The following CTNND2 variants were observed in gnomAD, a reference collection of about 807,000 sequenced individuals.
The protein encoded by CTNND2 is catenin delta 2, also known as catenin delta-2.
A neutral mutation model predicts 144.4 loss-of-function variants in CTNND2; 22 were observed. The ratio of observed to expected loss-of-function variants is 0.15; its 90% CI spans 0.11 to 0.22. The LOEUF is 0.22. Among genes scored for constraint, CTNND2 ranks in the 10% least tolerant of loss-of-function variants. The pLI is 1.00. For missense variants in CTNND2, 1,353 were observed against 1,618.8 expected, an observed-to-expected ratio of 0.84 and a Z score of 2.82; for synonymous variants, 751 against 695.6, an observed-to-expected ratio of 1.08 and a Z score of -1.25.
At chr5:11,573,246 C>T (rs184998649) in intron 2 of CTNND2, among the ~76,000 whole-genome samples, 102 of 152,282 alleles carry the variant, frequency 6.7e-4, no homozygotes, top group Middle Eastern at 3.4e-3. Context: ...CCATTATGTG[C>T]TGTTATCATA....
chr5:11,273,530 A>G (rs1435959963), intron 9 of CTNND2, among the ~76,000 whole-genome samples: 3 of 152,222 alleles, frequency 2.0e-5, no homozygotes, highest in Non-Finnish European at 2.9e-5. Flanking sequence ...AAGTGCCATA[A>G]GCTTGAAGGA....
intron 2 of CTNND2, among the ~76,000 whole-genome samples, chr5:11,673,553 A>T (rs1167870537): frequency 6.6e-6 from 1 of 152,174 alleles, no homozygotes; most frequent in East Asian, 1.9e-4. Context: ...GTTGCTTTAC[A>T]TATGGAAATT....
intron 1 of CTNND2, among the ~76,000 whole-genome samples, chr5:11,847,150 A>G (rs939738723): frequency 2.3e-5 from 3 of 131,504 alleles, no homozygotes; most frequent in Non-Finnish European, 4.8e-5. Context: ...ATATATATAT[A>G]TATATATATA....
At chr5:11,379,554 CTTAA>C (rs1332717898) in intron 7 of CTNND2, among the ~76,000 whole-genome samples, 1 of 151,866 alleles carries the variant, frequency 6.6e-6, no homozygotes, top group African/African-American at 2.4e-5. Flanking sequence ...ACATTTAACT[CTTAA>C]TTTATTAAAA....
chr5:11,168,465 T>G (rs1347665470), intron 11 of CTNND2, among the ~76,000 whole-genome samples: 1 of 152,186 alleles, frequency 6.6e-6, no homozygotes, highest in Non-Finnish European at 1.5e-5. Context: ...ACCATAGAAT[T>G]TCATATTTCT....
intron 9 of CTNND2, among the ~76,000 whole-genome samples, chr5:11,270,042 T>C (rs1580757944): frequency 6.6e-6 from 1 of 152,192 alleles, no homozygotes; most frequent in South Asian, 2.1e-4. Context: ...TAACTTCAAA[T>C]GGGAAACAAA....
chr5:11,164,207 TC>T (rs953308866), intron 11 of CTNND2, among the ~76,000 whole-genome samples: 8 of 152,068 alleles, frequency 5.3e-5, no homozygotes, highest in African/African-American at 1.9e-4. Flanking sequence ...CAGGATAATC[TC>T]CCCATTTGAA....
chr5:11,641,696 ATATACATATACGTGTGTG>A lies in CTNND2; in HGVS notation c.175-76658_175-76641del, dbSNP rs1561648707. 4.0e-4 allele frequency among the ~76,000 whole-genome samples: 51 copies of A among 126,486 alleles called. 2 individuals are homozygous for A. The highest frequency in any genetic ancestry group is 2.5e-3 in the Admixed American group (33 of 13,424). The allele number at this position is 126,486 out of a possible 152,430, so 83.0% of individuals were successfully genotyped here. ...TGTGTATATACATATACGTGTGTGT[ATATACATATACGTGTGTG>A]TATACATATACGTGTGTGTATATAC... On this transcript the variant is annotated intron_variant, in intron 2 of 21. Transcript: ENST00000304623.
intron 1 of CTNND2, among the ~76,000 whole-genome samples, chr5:11,824,669 T>C (rs1373657626): frequency 6.6e-6 from 1 of 152,188 alleles, no homozygotes; most frequent in Non-Finnish European, 1.5e-5. Context: ...TCCTAAACCC[T>C]AGACCTAAGA....
At chr5:11,329,056 TC>T (rs1752818729) in intron 9 of CTNND2, among the ~76,000 whole-genome samples, 1 of 152,230 alleles carries the variant, frequency 6.6e-6, no homozygotes, top group South Asian at 2.1e-4. Context: ...ATGAGGTCTT[TC>T]TGTATAACCA....
intron 3 of CTNND2, among the ~76,000 whole-genome samples, chr5:11,539,447 C>T (rs1183350812): frequency 1.3e-5 from 2 of 152,202 alleles, no homozygotes; most frequent in Non-Finnish European, 2.9e-5. Flanking sequence ...GTGTGGTGTC[C>T]ACCTAGCTAC....
intron 3 of CTNND2, among the ~76,000 whole-genome samples, chr5:11,515,410 T>C (rs1266214711): frequency 6.6e-6 from 1 of 152,230 alleles, no homozygotes. Flanking sequence ...CCGTTTAGGA[T>C]GTATTTTTCC....
intron 9 of CTNND2, among the ~76,000 whole-genome samples, chr5:11,277,418 C>T (rs1746648167): frequency 6.6e-6 from 1 of 151,684 alleles, no homozygotes; most frequent in Admixed American, 6.6e-5. Flanking sequence ...AGCTTAAGTC[C>T]CAGAAAGAAA....
chr5:11,096,666 A>G (rs1338045794), intron 15 of CTNND2, among the ~76,000 whole-genome samples: 1 of 152,256 alleles, frequency 6.6e-6, no homozygotes, highest in South Asian at 2.1e-4. Context: ...TAGAGGCCAA[A>G]GATATTTCTC....
intron 9 of CTNND2, among the ~76,000 whole-genome samples, chr5:11,290,831 C>T (rs978143144): frequency 1.3e-5 from 2 of 152,122 alleles, no homozygotes; most frequent in Admixed American, 6.6e-5. Flanking sequence ...CATAAAGTAA[C>T]CTTCGTTGTT....
rs74780571 is a variant in CTNND2 at position 11,701,895 on chromosome 5, C to T, written c.174+30241G>A. On this transcript the variant is annotated intron_variant, in intron 2 of 21. Transcript: ENST00000304623. ...AAACAAACTAAAAATCTCAGCAGCT[C>T]GAGTCAACGGAAGTTTAAAGAGAAC... Among the ~76,000 whole-genome samples, 585 of 152,192 alleles carry T rather than the reference C, an allele frequency of 3.8e-3. 5 individuals carry two copies. The highest frequency in any genetic ancestry group is 0.013 in the African/African-American group (554 of 41,514).
At position 10,974,598 on chromosome 5, in the gene CTNND2, G is replaced by A. The variant is rs181449013; in HGVS notation, c.3418-885C>T. Among the ~76,000 whole-genome samples the A allele has an allele frequency of 9.9e-5, 15 of 152,276 alleles. 1 individual carries two copies. Among genetic ancestry groups the A allele is most frequent in the Admixed American group, 7.2e-4 (11 of 15,290 alleles). ...TGAGCAGAACCTCCCAAGGTATAGGGTGAGGTTAACCCTACAGCAAGTGCA... is the reference window on the plus strand; with the variant it reads ...TGAGCAGAACCTCCCAAGGTATAGGATGAGGTTAACCCTACAGCAAGTGCA... On this transcript the variant is annotated intron_variant, in intron 21 of 21. Transcript: ENST00000304623.
intron 1 of CTNND2, among the ~76,000 whole-genome samples, chr5:11,894,969 A>G (rs1031203370): frequency 1.3e-5 from 2 of 152,170 alleles, no homozygotes; most frequent in East Asian, 3.9e-4. Flanking sequence ...ATAGATTACC[A>G]GTATGGGGTG....
intron 8 of CTNND2, among the ~76,000 whole-genome samples, chr5:11,348,014 T>C (rs1037238354): frequency 6.6e-6 from 1 of 152,124 alleles, no homozygotes; most frequent in Non-Finnish European, 1.5e-5. Flanking sequence ...CATCTTAGAA[T>C]TACAAAAATT....
Sources: gnomAD v4.1 joint callset for allele counts (sites outside exome capture counted in the v4.1 genomes callset) on GRCh38, gnomAD v4.1.1 for gene constraint, MANE v1.5 for transcripts, NCBI Gene and HGNC (gene_info 2026-07-23, HGNC 2026-07-21) for gene names.